UNC13C: variants seen among roughly 807,000 people sequenced by gnomAD.
UNC13C encodes the protein protein unc-13 homolog C.
A neutral mutation model predicts 245.4 loss-of-function variants in UNC13C; 174 were observed. The ratio of observed to expected loss-of-function variants is 0.71; its 90% CI spans 0.63 to 0.80. The LOEUF (loss-of-function observed/expected upper bound fraction) is 0.80, where lower values mean the gene tolerates loss of function less well. Ranked by LOEUF, UNC13C falls within the 30% of genes least tolerant of loss-of-function variation. The pLI is 0.00. For synonymous variants in UNC13C, 992 were observed against 895.1 expected (o/e 1.11, Z -1.93); for missense variants, 2,829 against 2,602.9 (o/e 1.09, Z -1.89).
chr15:54,275,226 G>T (rs559778084), intron 10 of UNC13C, among the ~76,000 whole-genome samples: 4 of 152,230 alleles, frequency 2.6e-5, no homozygotes, highest in Admixed American at 2.6e-4. Flanking sequence ...TATACTACTC[G>T]TAGGTAGGCT....
At chr15:54,332,282 C>T (rs953180503) in intron 15 of UNC13C, among the ~76,000 whole-genome samples, 171 bp downstream of exon 15, 2 of 149,178 alleles carry the variant, frequency 1.3e-5, no homozygotes, top group African/African-American at 2.5e-5. Context: ...GATTCTTTGC[C>T]CCACGTAGAC....
At chr15:54,078,711 T>A (rs550233957) in intron 2 of UNC13C, among the ~76,000 whole-genome samples, 1 of 151,486 alleles carries the variant, frequency 6.6e-6, no homozygotes, top group African/African-American at 2.4e-5. Flanking sequence ...TTCTCATAAA[T>A]TCTGGATGTT....
At chr15:53,989,605 C>T (rs1894293212) in intron 1 of UNC13C, among the ~76,000 whole-genome samples, 1 of 151,892 alleles carries the variant, frequency 6.6e-6, no homozygotes, top group African/African-American at 2.4e-5. Context: ...CTCAGATATA[C>T]AAATAGCCAA....
At chr15:54,071,971 T>A (rs11071025) in intron 2 of UNC13C, among the ~76,000 whole-genome samples, 1 of 151,978 alleles carries the variant, frequency 6.6e-6, no homozygotes, top group Non-Finnish European at 1.5e-5. Flanking sequence ...GCCTTCCCAA[T>A]CAAACTATTT....
intron 27 of UNC13C, among the ~76,000 whole-genome samples, chr15:54,548,272 A>G (rs1238855979): frequency 1.7e-5 from 2 of 118,742 alleles, no homozygotes; most frequent in Non-Finnish European, 3.3e-5. Flanking sequence ...CCCAGGCTGG[A>G]GTGCAGTGGC....
intron 2 of UNC13C, among the ~76,000 whole-genome samples, chr15:54,065,078 A>C (rs1470783852): frequency 6.6e-6 from 1 of 152,228 alleles, no homozygotes; most frequent in Non-Finnish European, 1.5e-5. Context: ...AGATATGCAA[A>C]CCAGACTGTC....
chr15:54,419,109 T>A (rs1312520664), intron 19 of UNC13C, among the ~76,000 whole-genome samples: 1 of 152,210 alleles, frequency 6.6e-6, no homozygotes, highest in African/African-American at 2.4e-5. Flanking sequence ...CATCTAAGAC[T>A]GTTTGTAATG....
chr15:54,066,588 C>G (rs1376500726), intron 2 of UNC13C, among the ~76,000 whole-genome samples: 1 of 152,160 alleles, frequency 6.6e-6, no homozygotes, highest in African/African-American at 2.4e-5. Context: ...GAGCACTCCT[C>G]CGTTGAGGAA....
chr15:54,390,489 A>G (rs1224572324), intron 17 of UNC13C, among the ~76,000 whole-genome samples: 1 of 152,078 alleles, frequency 6.6e-6, no homozygotes, highest in Non-Finnish European at 1.5e-5. Context: ...TGTTTCTTCA[A>G]TAATCTATTA....
At chr15:54,054,021 G>A (rs149214725) in intron 2 of UNC13C, among the ~76,000 whole-genome samples, 23 of 152,164 alleles carry the variant, frequency 1.5e-4, no homozygotes, top group Admixed American at 6.5e-4. Flanking sequence ...TCATCCATTC[G>A]TCTGATGATA....
At chr15:53,857,287 C>T in the UNC13C span, among the ~76,000 whole-genome samples, 1 of 152,248 alleles carries the variant, frequency 6.6e-6, no homozygotes, top group South Asian at 2.1e-4. Flanking sequence ...TCTCTTTTAA[C>T]AATATAATTA....
At chr15:54,449,386 A>T (rs1465354008) in intron 19 of UNC13C, among the ~76,000 whole-genome samples, 1 of 152,138 alleles carries the variant, frequency 6.6e-6, no homozygotes. Context: ...ACTTGGTTCC[A>T]TTCTCTCTGT....
At chr15:54,070,716 C>G (rs1488025065) in intron 2 of UNC13C, among the ~76,000 whole-genome samples, 1 of 152,134 alleles carries the variant, frequency 6.6e-6, no homozygotes, top group African/African-American at 2.4e-5. Context: ...CCTCTGCTGT[C>G]CCGGAAGCTA....
At position 54,437,280 on chromosome 15, in the gene UNC13C, G is replaced by A. The variant is rs111748524; in HGVS notation, c.4933+22213G>A. 5.1e-3 allele frequency among the ~76,000 whole-genome samples: 778 copies of A among 152,030 alleles called. 10 individuals are homozygous for A. The highest frequency in any genetic ancestry group is 0.018 in the African/African-American group (740 of 41,526). ...ATTATGCTCATAATATTTTAGTCAC[G>A]AAACAATTACCAGCTGGCAAGCTTT... On this transcript the variant is annotated intron_variant, in intron 19 of 32. Transcript: ENST00000260323.
At chr15:54,480,928 A>T (rs898709947) in intron 19 of UNC13C, among the ~76,000 whole-genome samples, 1 of 152,156 alleles carries the variant, frequency 6.6e-6, no homozygotes, top group Non-Finnish European at 1.5e-5. Flanking sequence ...TTCTCAGCAG[A>T]GGGGATGTCA....
intron 30 of UNC13C, among the ~76,000 whole-genome samples, chr15:54,615,623 C>A (rs185728741): frequency 7.0e-4 from 107 of 152,162 alleles, no homozygotes; most frequent in Non-Finnish European, 1.4e-3. Flanking sequence ...TTGAGAGATG[C>A]TGATAGGTCA....
intron 4 of UNC13C, among the ~76,000 whole-genome samples, chr15:54,197,129 G>A (rs1266141288): frequency 2.6e-5 from 4 of 152,140 alleles, no homozygotes; most frequent in Non-Finnish European, 5.9e-5. Flanking sequence ...ATTAGCAGAT[G>A]ATATGTTCTA....
At chr15:54,382,362 G>A (rs925825478) in intron 17 of UNC13C, among the ~76,000 whole-genome samples, 2 of 152,120 alleles carry the variant, frequency 1.3e-5, no homozygotes, top group African/African-American at 2.4e-5. Flanking sequence ...GCAGAGGCAG[G>A]CAGATTGCTT....
Position 54,051,660 on chromosome 15 carries a change from A to AAT in UNC13C, c.2983+35774_2983+35775insAT, listed in dbSNP as rs1566975629. 3.8e-3 allele frequency among the ~76,000 whole-genome samples: 565 copies of AAT among 150,162 alleles called. 6 individuals are homozygous for AAT. The highest frequency in any genetic ancestry group is 0.014 in the African/African-American group (553 of 40,788). On this transcript the variant is annotated intron_variant, in intron 2 of 32. Transcript: ENST00000260323. Reference sequence around the variant, plus strand: ...ACTTTATTTATTTATTTATTTATTTATTTATTTTAATCAGGTGAATTTATC... The same window carrying AAT: ...ACTTTATTTATTTATTTATTTATTTAATTTTATTTTAATCAGGTGAATTTATC...
Sources: allele counts gnomAD v4.1 joint callset (sites outside exome capture counted in the v4.1 genomes callset), GRCh38; gene constraint gnomAD v4.1.1; transcripts MANE v1.5; gene names NCBI Gene and HGNC (gene_info 2026-07-23, HGNC 2026-07-21).